The following MYBBP1A variants were observed in gnomAD, a reference collection of about 807,000 sequenced individuals.
MYBBP1A encodes MYB binding protein 1a, also known as myb-binding protein 1A.
Under a neutral mutation model 136.3 loss-of-function variants are expected in MYBBP1A, and 147 were observed. The ratio of observed to expected loss-of-function variants is 1.08; its 90% confidence interval spans 0.94 to 1.24. The LOEUF is 1.24. Ranked by LOEUF, MYBBP1A falls within the 50% of genes most tolerant of loss-of-function variation. MYBBP1A has a pLI of 0.00. For missense variants in MYBBP1A, 2,060 were observed against 1,727.4 expected (o/e 1.19, Z -3.41); for synonymous variants, 947 against 735.8 (o/e 1.29, Z -4.65).
chr17:4,547,763 A>AGG, intron 13 of MYBBP1A, 195 bp downstream of exon 13: 1 of 529,156 alleles, frequency 1.9e-6, no homozygotes, highest in Non-Finnish European at 3.3e-6. Context: ...TGGAAAGCCT[A>AGG]GGACACCAGC....
chr17:4,541,493 G>A lies in MYBBP1A; in HGVS notation c.3267C>T (p.Leu1089=), dbSNP rs766300456. The A allele has an allele frequency of 6.2e-7, 1 of 1,613,508 alleles. No homozygotes were observed. Among genetic ancestry groups the A allele is most frequent in the Non-Finnish European group, 8.5e-7 (1 of 1,180,012 alleles). ...HQQALSSLEL[L]NVLFRTCKHE... ...GTTTGCAGGTCCTGAAGAGAACGTT[G>A]AGCAGCTCCAGGGAGGACAGTGCCT... The change falls in exon 24 of 26, where the codon CTC becomes CTT. Residue 1089 remains leucine (L), a synonymous_variant. Coordinates refer to ENST00000254718, the MANE Select transcript of MYBBP1A (RefSeq NM_014520.4).
In MYBBP1A at chr17:4,549,398, CGAAA is replaced by C. The variant is rs1567611238; in HGVS notation, c.1360_1363del (p.Phe454AspfsTer3). On this transcript the variant is annotated frameshift_variant, in exon 10 of 26. Transcript: ENST00000254718. LOFTEE classifies it high-confidence loss of function. Reference sequence around the variant, plus strand: ...CAGGCTGTCCACAATGCTCACCAATCGAAAGATGATCCATTTCCTCAGCCGGAAC... The same window carrying C: ...CAGGCTGTCCACAATGCTCACCAATCGATGATCCATTTCCTCAGCCGGAAC... 6.2e-6 allele frequency: 10 copies of C among 1,613,328 alleles called. No homozygotes were observed. Among genetic ancestry groups the C allele is most frequent in the Non-Finnish European group, 8.5e-6 (10 of 1,179,978 alleles).
At chr17:4,551,738 G>T (rs1167861572) in intron 8 of MYBBP1A, 142 bp downstream of exon 8, 1 of 700,286 alleles carries the variant, frequency 1.4e-6, no homozygotes, top group Non-Finnish European at 2.5e-6. Flanking sequence ...CGAGGGAAAG[G>T]GGTTCAGGCA....
chr17:4,554,756 C>CT, intron 2 of MYBBP1A, 105 bp downstream of exon 2: 3 of 1,121,142 alleles, frequency 2.7e-6, no homozygotes, highest in South Asian at 2.8e-5. Context: ...CCCGACCTCT[C>CT]TCTCGGGCTG....
chr17:4,549,175 G>A (rs1205708489), intron 10 of MYBBP1A, among the ~76,000 whole-genome samples, 157 bp downstream of exon 10: 1 of 152,228 alleles, frequency 6.6e-6, no homozygotes, highest in Non-Finnish European at 1.5e-5. Flanking sequence ...CCCTTCACGG[G>A]TTCCTGAGGA....
intron 20 of MYBBP1A, 65 bp from the exon 21 acceptor site, chr17:4,542,806 TG>T: frequency 6.2e-7 from 1 of 1,601,604 alleles, no homozygotes; most frequent in Non-Finnish European, 8.5e-7. Flanking sequence ...GAGCAGAGCC[TG>T]GCCTACCTTC....
chr17:4,551,501 G>A (rs1907496146), intron 8 of MYBBP1A, among the ~76,000 whole-genome samples: 1 of 152,228 alleles, frequency 6.6e-6, no homozygotes, highest in South Asian at 2.1e-4. Context: ...CTAAGGTCAG[G>A]AGTTCGAGAC....
chr17:4,541,486 G>C lies in MYBBP1A; in HGVS notation c.3274C>G (p.Leu1092Val). Residue 1092 changes from leucine to valine, a missense_variant, in exon 24 of 26, where the codon CTC (leucine) becomes GTC (valine). Coordinates refer to ENST00000254718, the MANE Select transcript of MYBBP1A (RefSeq NM_014520.4). ...ALSSLELLNV[L>V]FRTCKHEKLT... ...ACCTCATGTTTGCAGGTCCTGAAGA[G>C]AACGTTGAGCAGCTCCAGGGAGGAC... 6.2e-7 allele frequency: 1 copy of C among 1,613,526 alleles called. No homozygotes were observed. Among genetic ancestry groups the C allele is most frequent in the East Asian group, 2.2e-5 (1 of 44,882 alleles).
chr17:4,539,483 T>G lies in MYBBP1A; in HGVS notation c.3919A>C (p.Arg1307=), dbSNP rs751693673. 6.2e-7 allele frequency: 1 copy of G among 1,614,182 alleles called. No individual in the cohort carries two copies. Among genetic ancestry groups the G allele is most frequent in the Admixed American group, 1.7e-5 (1 of 60,024 alleles). The change falls in exon 26 of 26, where the codon AGG becomes CGG. Residue 1307 remains arginine, a synonymous_variant. Coordinates refer to ENST00000254718, the MANE Select transcript of MYBBP1A (RefSeq NM_014520.4). Reference sequence around the variant, plus strand: ...CCACTCTGAAGCAGGCTGGGACTCCTGATGACCAAAGACAGCCTTGCCTTT... The same window carrying G: ...CCACTCTGAAGCAGGCTGGGACTCCGGATGACCAAAGACAGCCTTGCCTTT... The part of the protein sequence containing the change: ...RKKARLSLVI[R]SPSLLQSGAK...
At chr17:4,553,705 C>CTTTGTA (rs1907746308) in intron 5 of MYBBP1A, 105 bp downstream of exon 5, 2 of 807,734 alleles carry the variant, frequency 2.5e-6, no homozygotes, top group Non-Finnish European at 3.9e-6. Context: ...AATTATACAT[C>CTTTGTA]TTTGTATTTC....
chr17:4,549,213 C>G (rs113935841), intron 10 of MYBBP1A, 119 bp downstream of exon 10: 3 of 799,742 alleles, frequency 3.8e-6, no homozygotes, highest in Non-Finnish European at 5.9e-6. Flanking sequence ...TGCCTGCCCC[C>G]CACTGATGAC....
In MYBBP1A at chr17:4,548,560, TTTTC is replaced by T. The variant is rs1907213116; in HGVS notation, c.1516_1519del (p.Glu506ThrfsTer47). ...ACTGCTGACAGCCTCTCGGGCCTGGTTTTCCAAAGGGAAGGAGAACGGGTGCTTT... is the reference window on the plus strand; with the variant it reads ...ACTGCTGACAGCCTCTCGGGCCTGGTCAAAGGGAAGGAGAACGGGTGCTTT... On this transcript the variant is annotated frameshift_variant, in exon 11 of 26. Transcript: ENST00000254718. LOFTEE classifies it high-confidence loss of function. This position sits in a 1 kb window ranked among gnomAD's most constrained non-coding sequence, Gnocchi z 4.2. The T allele has an allele frequency of 1.9e-6, 3 of 1,613,992 alleles. No homozygotes were observed. The highest frequency in any genetic ancestry group is 2.5e-6 in the Non-Finnish European group (3 of 1,180,024).
chr17:4,544,985 A>AGCCCG, intron 17 of MYBBP1A, 41 bp downstream of exon 17: 11 of 1,505,538 alleles, frequency 7.3e-6, no homozygotes, highest in Non-Finnish European at 9.8e-6. Context: ...GGGACACCCG[A>AGCCCG]GCCCTCCCCG....
chr17:4,544,911 T>C lies in MYBBP1A; in HGVS notation c.2321A>G (p.Asp774Gly), dbSNP rs1351589301. Residue 774 changes from aspartate (D) to glycine (G), a missense_variant, in exon 18 of 26, where the codon GAC (aspartate) becomes GGC (glycine). Physicochemically the swap from Asp to Gly is moderately conservative, Grantham distance 94 (BLOSUM62 -1). Coordinates refer to ENST00000254718, the MANE Select transcript of MYBBP1A (RefSeq NM_014520.4). ...CCCCAGCTCCTCCTCGTTCTCACTG[T>C]CCTCTCCACCCTGAGGGACAGAGGC... Reference protein sequence around the residue: ...LQAGKALGGEDSENEEELGDE... With the variant: ...LQAGKALGGEGSENEEELGDE... 1.2e-6 allele frequency: 2 copies of C among 1,601,024 alleles called. No homozygotes were observed. Among genetic ancestry groups the C allele is most frequent in the South Asian group, 1.1e-5 (1 of 89,044 alleles).
Position 4,551,978 on chromosome 17 carries a change from G to C in MYBBP1A, c.925C>G (p.Leu309Val). 6.2e-7 allele frequency: 1 copy of C among 1,610,352 alleles called. No individual in the cohort carries two copies. The highest frequency in any genetic ancestry group is 8.5e-7 in the Non-Finnish European group (1 of 1,177,342). ...GTCAGCAGGGGCAGGGCCGCGCCCA[G>C]CAGGCGGAAACACAGGTAGCTAAAG... ...WPASYLCFRL[L>V]GAALPLLTKE... Residue 309 changes from leucine to valine, a missense_variant, in exon 8 of 26, where the codon CTG becomes GTG. Physicochemically the swap from Leu to Val is conservative, Grantham distance 32. Transcript: ENST00000254718.
At position 4,539,569 on chromosome 17, in the gene MYBBP1A, T is replaced by C. The variant is rs1906157062; in HGVS notation, c.3833A>G (p.Gln1278Arg). 1.9e-6 allele frequency: 3 copies of C among 1,614,058 alleles called. No individual in the cohort carries two copies. The highest frequency in any genetic ancestry group is 1.1e-5 in the South Asian group (1 of 91,082). The change falls in exon 26 of 26, where the codon CAG becomes CGG. Residue 1278 changes from glutamine to arginine, a missense_variant. Gln to Arg is a conservative substitution (Grantham distance 43, BLOSUM62 1). Coordinates refer to ENST00000254718, the MANE Select transcript of MYBBP1A (RefSeq NM_014520.4). The part of the protein sequence containing the change: ...PTEPAGQKQH[Q>R]KALPKKGVLG... ...GACCCCCTTTTTGGGAAGAGCCTTC[T>C]GATGCTGCTTTTGGCCTGCAGGTTC... is the stretch of plus-strand genomic sequence containing the variant.
Position 4,543,050 on chromosome 17 carries a change from TG to T in MYBBP1A, c.2754del (p.Thr919ProfsTer16). The part of the protein sequence containing the change: ...VQQAGRQPDS[P>X]TALYHFNASL... ...GAGGCGTTGAAGTGGTAGAGGGCGG[TG>T]GGGGAGTCGGGCTGGCGGCCAGCCT... On this transcript the variant is annotated frameshift_variant, in exon 20 of 26. Transcript: ENST00000254718. LOFTEE classifies it high-confidence loss of function. 1 of 1,613,316 alleles carries T rather than the reference TG, an allele frequency of 6.2e-7. No homozygotes were observed. Among genetic ancestry groups the T allele is most frequent in the Non-Finnish European group, 8.5e-7 (1 of 1,179,888 alleles).
Position 4,539,185 on chromosome 17 carries a change from C to T in MYBBP1A, c.*230G>A. Reference sequence around the variant, plus strand: ...TGGACATGGCCCTGGAGCCAGGGTCCCAGCCCAGAACCGGGGGTGGGGAGG... The same window carrying T: ...TGGACATGGCCCTGGAGCCAGGGTCTCAGCCCAGAACCGGGGGTGGGGAGG... On this transcript the variant is annotated 3_prime_UTR_variant, in exon 26 of 26. Transcript: ENST00000254718. 6.9e-6 allele frequency: 10 copies of T among 1,451,868 alleles called. No homozygotes were observed. The highest frequency in any genetic ancestry group is 9.0e-6 in the Non-Finnish European group (10 of 1,111,822). 89.9% of individuals were successfully genotyped at this position (1,451,868 alleles called of 1,614,324 possible). A position where few individuals can be genotyped will look rare whatever the true frequency, so the allele number is the denominator to read the frequency against.
Position 4,555,115 on chromosome 17 carries a change from C to T in MYBBP1A, c.198+12G>A. The T allele has an allele frequency of 1.3e-6, 2 of 1,581,362 alleles. No individual in the cohort carries two copies. Among genetic ancestry groups the T allele is most frequent in the Non-Finnish European group, 1.7e-6 (2 of 1,163,134 alleles). On this transcript the variant is annotated intron_variant, in intron 1 of 25. Coordinates refer to ENST00000254718, the MANE Select transcript of MYBBP1A (RefSeq NM_014520.4). ...ATATGCGCAGCCTCTGCCCCAGACC[C>T]CGCCACTCCACCTTCGGCCTGCCAC... is the stretch of plus-strand genomic sequence containing the variant.
Sources: allele counts gnomAD v4.1 joint callset (sites outside exome capture counted in the v4.1 genomes callset), GRCh38; gene constraint gnomAD v4.1.1; non-coding constraint Gnocchi (gnomAD v3.1); transcripts MANE v1.5; gene names NCBI Gene and HGNC (gene_info 2026-07-23, HGNC 2026-07-21).